Variants in ADAMTS16 observed in about 807,000 individuals in gnomAD.
ADAMTS16 encodes A disintegrin and metalloproteinase with thrombospondin motifs 16.
A neutral mutation model predicts 145.8 loss-of-function variants in ADAMTS16; 94 were observed. The observed-to-expected ratio is 0.64, with a 90% confidence interval of 0.55 to 0.77. ADAMTS16 has a LOEUF of 0.77. Ranked by LOEUF, ADAMTS16 falls within the 30% of genes least tolerant of loss-of-function variation. The pLI, the probability that ADAMTS16 is intolerant of heterozygous loss-of-function variation, is 0.00. For synonymous variants in ADAMTS16, 659 were observed against 604.3 expected, an observed-to-expected ratio of 1.09 and a Z score of -1.33; for missense variants, 1,585 against 1,591.5, an observed-to-expected ratio of 1.00 and a Z score of 0.07.
At chr5:5,258,560 C>G (rs557889371) in intron 17 of ADAMTS16, among the ~76,000 whole-genome samples, 2 of 152,316 alleles carry the variant, frequency 1.3e-5, no homozygotes, top group East Asian at 3.9e-4. Context: ...GCCAAGGAAT[C>G]CAGAGAAGCA....
At chr5:5,214,402 C>A (rs115945240) in intron 10 of ADAMTS16, among the ~76,000 whole-genome samples, 2 of 151,674 alleles carry the variant, frequency 1.3e-5, no homozygotes, top group Non-Finnish European at 2.9e-5. Flanking sequence ...TTTCTTTTTT[C>A]TTTTATTTAC....
chr5:5,187,753 T>C lies in ADAMTS16; in HGVS notation c.992T>C (p.Ile331Thr). 1 of 1,612,694 alleles carries C rather than the reference T, an allele frequency of 6.2e-7. No individual in the cohort carries two copies. The highest frequency in any genetic ancestry group is 8.5e-7 in the Non-Finnish European group (1 of 1,178,842). Residue 331 changes from isoleucine (I) to threonine (T), a missense_variant, in exon 6 of 23, where the codon ATA becomes ACA. Transcript: ENST00000274181. The stretch of plus-strand genomic sequence containing the variant: ...TCTGCTTTATTCAAAGATGGAACAA[T>C]AGGAGGAAACATCAACATTGCAATT... ...MVSALFKDGT[I>T]GGNINIAIVG...
At chr5:5,223,014 A>G (rs1309965546) in intron 11 of ADAMTS16, 130 bp downstream of exon 11, 1 of 660,830 alleles carries the variant, frequency 1.5e-6, no homozygotes, top group South Asian at 2.2e-5. Context: ...CCATGCTCCT[A>G]TCAAACACTG....
At chr5:5,313,027 G>A (rs977409962) in intron 21 of ADAMTS16, among the ~76,000 whole-genome samples, 5 of 152,148 alleles carry the variant, frequency 3.3e-5, no homozygotes, top group African/African-American at 9.7e-5. Context: ...ATTATTTAAC[G>A]TATACCCTAA....
chr5:5,303,055 G>A (rs1422918463), intron 18 of ADAMTS16, among the ~76,000 whole-genome samples: 2 of 152,210 alleles, frequency 1.3e-5, no homozygotes. Context: ...GGGAAAGAAT[G>A]ACAGAGCATG....
At chr5:5,227,427 TA>T (rs1259463889) in intron 11 of ADAMTS16, among the ~76,000 whole-genome samples, 1 of 152,148 alleles carries the variant, frequency 6.6e-6, no homozygotes, top group African/African-American at 2.4e-5. Context: ...GAAATCTATA[TA>T]TATATTTAAC....
rs186604786 is a variant in ADAMTS16 at position 5,184,097 on chromosome 5, G to A, written c.763+1792G>A. 1.4e-4 allele frequency among the ~76,000 whole-genome samples: 21 copies of A among 152,252 alleles called. No individual in the cohort carries two copies. The East Asian group carries it at 1.7e-3, about 13-fold the overall frequency. ...GGGCCATGTGACCAGCCCAGGCCCC[G>A]GAAAAGTGAGCAGAATCAACAGCGC... On this transcript the variant is annotated intron_variant, in intron 4 of 22. Coordinates refer to ENST00000274181, the MANE Select transcript of ADAMTS16 (RefSeq NM_139056.4).
At chr5:5,302,420 G>T (rs12513662) in intron 18 of ADAMTS16, among the ~76,000 whole-genome samples, 112,284 of 152,018 alleles carry the variant, frequency 0.74, 41,885 homozygotes, top group South Asian at 0.82. Flanking sequence ...TACGAGAAAG[G>T]AGAACCAGGA....
chr5:5,179,592 G>T (rs1343823528), intron 3 of ADAMTS16, among the ~76,000 whole-genome samples: 1 of 152,192 alleles, frequency 6.6e-6, no homozygotes, highest in Non-Finnish European at 1.5e-5. Flanking sequence ...TTCACACTTG[G>T]CATTCCCTGG....
At chr5:5,246,267 T>G (rs1218022677) in intron 17 of ADAMTS16, among the ~76,000 whole-genome samples, 2 of 152,372 alleles carry the variant, frequency 1.3e-5, no homozygotes, top group South Asian at 2.1e-4. Context: ...ACATGTATGC[T>G]GTAATGTCTG....
intron 17 of ADAMTS16, among the ~76,000 whole-genome samples, chr5:5,258,172 C>T (rs148852951): frequency 6.6e-6 from 1 of 152,230 alleles, no homozygotes; most frequent in South Asian, 2.1e-4. Context: ...AATCATCCGC[C>T]GTTAGTGATT....
intron 17 of ADAMTS16, among the ~76,000 whole-genome samples, chr5:5,245,541 T>C (rs888442872): frequency 6.6e-6 from 1 of 152,184 alleles, no homozygotes; most frequent in Non-Finnish European, 1.5e-5. Context: ...CCTCCTGATG[T>C]TCTGAATTTG....
At chr5:5,145,660 A>G (rs1223272609) in intron 2 of ADAMTS16, among the ~76,000 whole-genome samples, 1 of 152,258 alleles carries the variant, frequency 6.6e-6, no homozygotes, top group Non-Finnish European at 1.5e-5. Context: ...AATAAAGGTC[A>G]TAAGAATATG....
intron 2 of ADAMTS16, among the ~76,000 whole-genome samples, chr5:5,142,826 C>T (rs1734200703): frequency 2.0e-5 from 3 of 151,958 alleles, no homozygotes; most frequent in Admixed American, 6.6e-5. Context: ...CTACAGTAAC[C>T]AAAAAAGCAT....
intron 18 of ADAMTS16, among the ~76,000 whole-genome samples, chr5:5,291,378 G>A (rs1452319309): frequency 6.6e-6 from 1 of 152,166 alleles, no homozygotes; most frequent in Non-Finnish European, 1.5e-5. Flanking sequence ...TCCCAGGTGA[G>A]GGTTGAGGAG....
intron 18 of ADAMTS16, among the ~76,000 whole-genome samples, chr5:5,301,479 C>T (rs749389073): frequency 3.9e-5 from 6 of 152,224 alleles, no homozygotes; most frequent in Non-Finnish European, 8.8e-5. Context: ...GCACTGGAAG[C>T]AACAGTCGTA....
intron 3 of ADAMTS16, among the ~76,000 whole-genome samples, chr5:5,149,293 A>C (rs1734388427): frequency 6.6e-6 from 1 of 152,146 alleles, no homozygotes; most frequent in South Asian, 2.1e-4. Context: ...TTGTCATTAG[A>C]GATCTGTTTG....
chr5:5,149,378 T>G (rs1433484705), intron 3 of ADAMTS16, among the ~76,000 whole-genome samples: 1 of 152,186 alleles, frequency 6.6e-6, no homozygotes, highest in African/African-American at 2.4e-5. Flanking sequence ...ATGGATAGAC[T>G]TAGAGGGCTA....
At chr5:5,169,279 T>G (rs1436210476) in intron 3 of ADAMTS16, among the ~76,000 whole-genome samples, 1 of 152,236 alleles carries the variant, frequency 6.6e-6, no homozygotes, top group East Asian at 1.9e-4. Context: ...AAGGAAATAC[T>G]AGCCTTTGGA....
Sources: gnomAD v4.1 joint callset for allele counts (sites outside exome capture counted in the v4.1 genomes callset) on GRCh38, gnomAD v4.1.1 for gene constraint, MANE v1.5 for transcripts, NCBI Gene and HGNC (gene_info 2026-07-23, HGNC 2026-07-21) for gene names.